CCDC171: variants seen among roughly 807,000 people sequenced by gnomAD.
The protein encoded by CCDC171 is coiled-coil domain containing 171, also known as coiled-coil domain-containing protein 171.
In CCDC171, 177 loss-of-function variants were observed where a neutral mutation model predicts 168.2. The observed-to-expected ratio is 1.05, with a 90% CI of 0.93 to 1.19. The LOEUF is 1.19. Ranked by LOEUF, CCDC171 falls within the 50% of genes most tolerant of loss-of-function variation. CCDC171 has a pLI of 0.00. For missense variants in CCDC171, 1,991 were observed against 1,539.0 expected (o/e 1.29, Z -4.91); for synonymous variants, 687 against 540.8 (o/e 1.27, Z -3.75).
At chr9:15,860,310 G>A (rs1252625245) in intron 23 of CCDC171, among the ~76,000 whole-genome samples, 1 of 149,582 alleles carries the variant, frequency 6.7e-6, no homozygotes, top group Admixed American at 6.7e-5. Flanking sequence ...GCTAATTTTG[G>A]GTTTAGTTTG....
intron 7 of CCDC171, among the ~76,000 whole-genome samples, chr9:15,654,201 TAA>T (rs570414785): frequency 7.0e-6 from 1 of 143,742 alleles, no homozygotes. Context: ...TTGCTTTCTG[TAA>T]AAAAAAAAAA....
chr9:15,995,556 GAGCTGTCATC>G (rs1010679338), intron 3 of CCDC171, among the ~76,000 whole-genome samples: 1 of 152,174 alleles, frequency 6.6e-6, no homozygotes, highest in Non-Finnish European at 1.5e-5. Context: ...ATTTCTGTAG[GAGCTGTCATC>G]AGCTGTCATC....
chr9:15,646,947 C>T (rs1174275331), intron 7 of CCDC171, among the ~76,000 whole-genome samples: 2 of 152,194 alleles, frequency 1.3e-5, no homozygotes, highest in Non-Finnish European at 2.9e-5. Context: ...ACAGAATATA[C>T]ATTCTTCTCA....
chr9:15,940,027 C>A (rs961008960), intron 25 of CCDC171, among the ~76,000 whole-genome samples: 1 of 151,846 alleles, frequency 6.6e-6, no homozygotes, highest in East Asian at 1.9e-4. Flanking sequence ...AACAAAAATA[C>A]TTTTGCTTTA....
At chr9:15,664,261 A>G (rs1486635605) in intron 8 of CCDC171, among the ~76,000 whole-genome samples, 5 of 151,764 alleles carry the variant, frequency 3.3e-5, no homozygotes, top group African/African-American at 1.2e-4. Context: ...TAATTTATTT[A>G]TTTTTGAGAC....
chr9:15,895,274 A>G (rs923398232), intron 24 of CCDC171, among the ~76,000 whole-genome samples: 2 of 152,190 alleles, frequency 1.3e-5, no homozygotes, highest in African/African-American at 4.8e-5. Flanking sequence ...TAGTAGAGTC[A>G]GAGAATGGCT....
At chr9:15,591,093 T>C (rs1280054761) in intron 4 of CCDC171, among the ~76,000 whole-genome samples, 1 of 152,042 alleles carries the variant, frequency 6.6e-6, no homozygotes, top group Non-Finnish European at 1.5e-5. Flanking sequence ...GGATATGCCT[T>C]CAGAAATATG....
intron 7 of CCDC171, among the ~76,000 whole-genome samples, chr9:15,636,594 C>G (rs1317471285): frequency 6.6e-6 from 1 of 151,412 alleles, no homozygotes; most frequent in Non-Finnish European, 1.5e-5. Flanking sequence ...ACAAAAAATA[C>G]AAAACTTAGC....
chr9:16,107,597 G>T, the CCDC171 span, among the ~76,000 whole-genome samples: 2 of 151,872 alleles, frequency 1.3e-5, no homozygotes, highest in African/African-American at 4.8e-5. Context: ...CCATTTGTAC[G>T]TACACATATA....
intron 25 of CCDC171, among the ~76,000 whole-genome samples, chr9:15,931,771 A>G (rs368059474): frequency 6.7e-4 from 102 of 151,610 alleles, no homozygotes; most frequent in African/African-American, 2.3e-3. Flanking sequence ...ATTTAAGTCT[A>G]TTACCTATTT....
intron 24 of CCDC171, among the ~76,000 whole-genome samples, chr9:15,885,336 A>C (rs1418173262): frequency 6.6e-6 from 1 of 152,214 alleles, no homozygotes; most frequent in Non-Finnish European, 1.5e-5. Flanking sequence ...CTTTGTCATT[A>C]ATGTTAAGAG....
rs981245525 is a variant in CCDC171 at position 15,878,234 on chromosome 9, A to T, written c.3600+3571A>T. Among the ~76,000 whole-genome samples the T allele has an allele frequency of 2.6e-5, 4 of 152,304 alleles. 1 individual carries two copies. Among genetic ancestry groups the T allele is most frequent in the Admixed American group, 2.6e-4 (4 of 15,290 alleles). ...AAAAATATTGCAAACTGTGCATCTGATGAAGGTTTAATGTCCAGCACCTAT... is the reference window on the plus strand; with the variant it reads ...AAAAATATTGCAAACTGTGCATCTGTTGAAGGTTTAATGTCCAGCACCTAT... On this transcript the variant is annotated intron_variant, in intron 24 of 25. Coordinates refer to ENST00000380701, the MANE Select transcript of CCDC171 (RefSeq NM_173550.4).
At chr9:16,092,836 C>G in the CCDC171 span, among the ~76,000 whole-genome samples, 465 of 152,284 alleles carry the variant, frequency 3.1e-3, 2 homozygotes, top group African/African-American at 9.2e-3. Context: ...AGACCTGTGT[C>G]CCCAGGGGTG....
At position 15,988,956 on chromosome 9, in the gene CCDC171, G is replaced by A. The variant is rs528769117; in HGVS notation, n.369-31633G>A. 1.4e-4 allele frequency among the ~76,000 whole-genome samples: 21 copies of A among 152,252 alleles called. 1 individual carries two copies. The highest frequency in any genetic ancestry group is 4.6e-4 in the African/African-American group (19 of 41,544). Reference sequence around the variant, plus strand: ...AAGCTCGAACTGGGTGGAGCCCACCGCGGCTCAAGGAGGTCTGCCTGCCTC... The same window carrying A: ...AAGCTCGAACTGGGTGGAGCCCACCACGGCTCAAGGAGGTCTGCCTGCCTC... On this transcript the variant is annotated intron_variant and non_coding_transcript_variant, in intron 3 of 9. Transcript: ENST00000486641.
intron 3 of CCDC171, among the ~76,000 whole-genome samples, chr9:15,999,510 A>G: frequency 6.6e-6 from 1 of 152,178 alleles, no homozygotes; most frequent in Admixed American, 6.5e-5. Flanking sequence ...ACCCGCACGC[A>G]GCTCGGACCT....
In CCDC171 at chr9:15,776,391, A is replaced by ATGAG. The variant is rs1239133604; in HGVS notation, c.2672-1206_2672-1203dup. The ATGAG allele has an allele frequency of 8.5e-5, 13 of 152,172 alleles. No homozygotes were observed. In the East Asian group the frequency reaches 1.9e-3, roughly 23 times the overall value. 9.4% of individuals were successfully genotyped at this position (152,172 alleles called of 1,614,324 possible). On this transcript the variant is annotated intron_variant, in intron 18 of 25. Transcript: ENST00000380701. Reference sequence around the variant, plus strand: ...GGGACTGTCACAGAGTATGTTTATAATGAGTGGCATATAGAATTAAACTTA... The same window carrying ATGAG: ...GGGACTGTCACAGAGTATGTTTATAATGAGTGAGTGGCATATAGAATTAAACTTA...
chr9:15,886,942 T>C (rs1177387704), intron 24 of CCDC171: 2 of 152,128 alleles, frequency 1.3e-5, no homozygotes, highest in Non-Finnish European at 2.9e-5. Context: ...AAAATCTTAC[T>C]CACAGAAACA....
chr9:16,088,540 A>T, the CCDC171 span, among the ~76,000 whole-genome samples: 3 of 152,358 alleles, frequency 2.0e-5, no homozygotes, highest in East Asian at 1.9e-4. Context: ...TACAAAATCA[A>T]TGTGCAAAAA....
At chr9:16,042,765 A>T (rs1042010740), upstream of CCDC171, 1 of 152,158 alleles carries the variant, frequency 6.6e-6, no homozygotes, top group African/African-American at 2.4e-5. Context: ...TCTCTTGGAA[A>T]ATAACTCTTT....
Sources: gnomAD v4.1 joint callset for allele counts (sites outside exome capture counted in the v4.1 genomes callset) on GRCh38, gnomAD v4.1.1 for gene constraint, MANE v1.5 for transcripts, NCBI Gene and HGNC (gene_info 2026-07-23, HGNC 2026-07-21) for gene names.